DPP10: variants seen among roughly 807,000 people sequenced by gnomAD.
DPP10 encodes dipeptidyl peptidase like 10.
Under a neutral mutation model 120.9 loss-of-function variants are expected in DPP10, and 33 were observed. That is an observed-to-expected ratio of 0.27 (90% CI 0.21 to 0.37). The LOEUF (loss-of-function observed/expected upper bound fraction) is 0.37, where lower values mean the gene tolerates loss of function less well. Among genes scored for constraint, DPP10 ranks in the 10% least tolerant of loss-of-function variants. The pLI, the probability that DPP10 is intolerant of heterozygous loss-of-function variation, is 1.00. For missense variants in DPP10, 816 were observed against 942.8 expected, an observed-to-expected ratio of 0.87 and a Z score of 1.76; for synonymous variants, 337 against 326.1, an observed-to-expected ratio of 1.03 and a Z score of -0.36.
At chr2:114,836,932 C>T (rs991807352) in intron 1 of DPP10, among the ~76,000 whole-genome samples, 38 of 152,308 alleles carry the variant, frequency 2.5e-4, no homozygotes, top group African/African-American at 7.2e-4. Context: ...CTGTTCCACC[C>T]GGTCACTGGT....
intron 1 of DPP10, among the ~76,000 whole-genome samples, chr2:114,758,716 C>T (rs955312266): frequency 6.6e-6 from 1 of 152,018 alleles, no homozygotes; most frequent in Non-Finnish European, 1.5e-5. Context: ...AGATGTCTTG[C>T]ATATAAAATG....
intron 1 of DPP10, among the ~76,000 whole-genome samples, chr2:115,037,009 A>G (rs764468080): frequency 6.6e-6 from 1 of 152,104 alleles, no homozygotes; most frequent in Non-Finnish European, 1.5e-5. Flanking sequence ...AGCCATTGTC[A>G]TTCCTCTCAC....
At chr2:114,504,064 C>T (rs915636476) in intron 1 of DPP10, among the ~76,000 whole-genome samples, 3 of 152,134 alleles carry the variant, frequency 2.0e-5, no homozygotes, top group Non-Finnish European at 2.9e-5. Context: ...GGCACTACTA[C>T]CTCCCTACTG....
chr2:114,558,685 G>A (rs1327095572), intron 1 of DPP10, among the ~76,000 whole-genome samples: 1 of 152,172 alleles, frequency 6.6e-6, no homozygotes, highest in Non-Finnish European at 1.5e-5. Flanking sequence ...GTAAATATTT[G>A]TTAAACAAAA....
At chr2:114,683,061 C>G (rs1278843991) in intron 1 of DPP10, among the ~76,000 whole-genome samples, 2 of 151,898 alleles carry the variant, frequency 1.3e-5, no homozygotes, top group East Asian at 3.9e-4. Context: ...TTGAATGTGT[C>G]TTATGGACCA....
At chr2:115,032,156 C>T (rs747126631) in intron 1 of DPP10, among the ~76,000 whole-genome samples, 41 of 149,982 alleles carry the variant, frequency 2.7e-4, no homozygotes, top group Admixed American at 4.0e-4. Flanking sequence ...TCCTGGAATC[C>T]ATTTTTTTTC....
intron 1 of DPP10, among the ~76,000 whole-genome samples, chr2:115,223,576 A>G (rs774555993): frequency 3.3e-5 from 5 of 152,176 alleles, no homozygotes; most frequent in Non-Finnish European, 5.9e-5. Flanking sequence ...ATGTGAGTGT[A>G]AGATATGTTC....
intron 3 of DPP10, among the ~76,000 whole-genome samples, chr2:115,486,585 A>G (rs1262569235): frequency 6.6e-6 from 1 of 152,134 alleles, no homozygotes; most frequent in Admixed American, 6.6e-5. Flanking sequence ...AATAGACTGG[A>G]CCATTCAACA....
chr2:115,161,891 G>A, intron 1 of DPP10: 3 of 1,407,938 alleles, frequency 2.1e-6, no homozygotes, highest in Non-Finnish European at 9.2e-7. Context: ...TGCGAACGCT[G>A]CCAAGTGACG....
chr2:115,315,077 AC>A (rs1436361672), intron 2 of DPP10, among the ~76,000 whole-genome samples: 1 of 152,064 alleles, frequency 6.6e-6, no homozygotes, highest in East Asian at 1.9e-4. Context: ...AGATAGAGTG[AC>A]TAAATTGACC....
At chr2:115,790,071 A>ATT (rs70941099) in intron 17 of DPP10, among the ~76,000 whole-genome samples, 3 of 118,198 alleles carry the variant, frequency 2.5e-5, no homozygotes, top group African/African-American at 9.2e-5. Flanking sequence ...TTAGAAGGCT[A>ATT]TTTTTTTTTT....
chr2:115,763,995 T>C (rs376120480), intron 12 of DPP10, among the ~76,000 whole-genome samples: 32 of 152,310 alleles, frequency 2.1e-4, no homozygotes, highest in African/African-American at 7.2e-4. Flanking sequence ...CCTATTTATT[T>C]TTCAAACCTT....
At chr2:115,289,072 A>AAAT (rs2060530640) in intron 1 of DPP10, among the ~76,000 whole-genome samples, 1 of 152,128 alleles carries the variant, frequency 6.6e-6, no homozygotes, top group African/African-American at 2.4e-5. Flanking sequence ...ACACTCCCGG[A>AAAT]TTTGATCAGT....
chr2:115,708,888 A>G (rs2092222734), intron 7 of DPP10, among the ~76,000 whole-genome samples: 1 of 152,112 alleles, frequency 6.6e-6, no homozygotes, highest in Non-Finnish European at 1.5e-5. Flanking sequence ...GTACTGGAAA[A>G]TAACCTTTCA....
intron 1 of DPP10, among the ~76,000 whole-genome samples, chr2:114,847,878 C>T (rs1688667509): frequency 6.6e-6 from 1 of 152,094 alleles, no homozygotes; most frequent in African/African-American, 2.4e-5. Context: ...GCAAACAGAC[C>T]TTGCGTGTAC....
At chr2:115,746,607 T>C (rs1345853630) in intron 10 of DPP10, among the ~76,000 whole-genome samples, 2 of 152,218 alleles carry the variant, frequency 1.3e-5, no homozygotes, top group African/African-American at 4.8e-5. Flanking sequence ...TCTAGCTTTC[T>C]TCTCCAGACA....
chr2:114,946,310 C>A (rs1237202308), intron 1 of DPP10, among the ~76,000 whole-genome samples: 4 of 152,026 alleles, frequency 2.6e-5, no homozygotes, highest in African/African-American at 7.2e-5. Context: ...CACAATTTTT[C>A]TTTAAATTTA....
At chr2:115,381,875 G>A (rs1049458430) in intron 3 of DPP10, among the ~76,000 whole-genome samples, 1 of 151,912 alleles carries the variant, frequency 6.6e-6, no homozygotes, top group Non-Finnish European at 1.5e-5. Flanking sequence ...GGGGGTCAGG[G>A]GTCAGGGACC....
intron 7 of DPP10, among the ~76,000 whole-genome samples, chr2:115,707,199 G>C (rs2092145317): frequency 6.6e-6 from 1 of 151,814 alleles, no homozygotes; most frequent in Non-Finnish European, 1.5e-5. Context: ...GAAAAAAGTA[G>C]ATAGGAAATC....
Sources: gnomAD v4.1 joint callset for allele counts (sites outside exome capture counted in the v4.1 genomes callset) on GRCh38, gnomAD v4.1.1 for gene constraint, MANE v1.5 for transcripts, NCBI Gene and HGNC (gene_info 2026-07-23, HGNC 2026-07-21) for gene names.